The following CKMT1A variants were observed in gnomAD, a reference collection of about 807,000 sequenced individuals.
CKMT1A encodes creatine kinase, mitochondrial 1A.
CKMT1A carries 23 observed loss-of-function variants against 21.8 expected under a neutral mutation model. The ratio of observed to expected loss-of-function variants is 1.05; its 90% confidence interval spans 0.76 to 1.49. CKMT1A has a LOEUF of 1.49. Ranked by LOEUF, CKMT1A falls within the 40% of genes most tolerant of loss-of-function variation. The pLI, the probability that CKMT1A is intolerant of heterozygous loss-of-function variation, is 0.00. For synonymous variants in CKMT1A, 67 were observed against 80.4 expected (o/e 0.83, Z 0.89); for missense variants, 154 against 229.4 (o/e 0.67, Z 2.12).
intron 6 of CKMT1A, chr15:43,696,591 A>T: frequency 3.0e-6 from 2 of 674,118 alleles, no homozygotes; most frequent in South Asian, 4.2e-5. Flanking sequence ...GGAACCTTAG[A>T]AAGTGAAGAA....
rs760105474 is a variant in CKMT1A at position 43,699,113 on chromosome 15, C to G, written c.*24C>G. On this transcript the variant is annotated 3_prime_UTR_variant, in exon 9 of 9. Coordinates refer to ENST00000413453, the MANE Select transcript of CKMT1A (RefSeq NM_001321926.2). Reference sequence around the variant, plus strand: ...AACTCCCCATCGCCAGCTGATGACTCAAGATTCCAAGGAGTTCTGCTCATT... The same window carrying G: ...AACTCCCCATCGCCAGCTGATGACTGAAGATTCCAAGGAGTTCTGCTCATT... 27 of 1,613,314 alleles carry G rather than the reference C, an allele frequency of 1.7e-5. No individual in the cohort carries two copies. The highest frequency in any genetic ancestry group is 2.7e-5 in the African/African-American group (2 of 74,486).
rs773493195 is a variant in CKMT1A at position 43,698,747 on chromosome 15, A to T, written c.1118A>T (p.Asp373Val). ...GGTGTCTTTGATATTTCTAATTTGG[A>T]CCGACTAGGCAAATCAGAGGTGAGA... ...TGGVFDISNLDRLGKSEVELV... is the reference protein window; with the variant it reads ...TGGVFDISNLVRLGKSEVELV... The change falls in exon 8 of 9, where the codon GAC (aspartate) becomes GTC (valine). Residue 373 changes from aspartate (D) to valine (V), a missense_variant. By Grantham distance (152) the Asp-to-Val change is radical. Coordinates refer to ENST00000413453, the MANE Select transcript of CKMT1A (RefSeq NM_001321926.2). 1 of 1,613,688 alleles carries T rather than the reference A, an allele frequency of 6.2e-7. No homozygotes were observed. Among genetic ancestry groups the T allele is most frequent in the Non-Finnish European group, 8.5e-7 (1 of 1,179,860 alleles).
intron 4 of CKMT1A, 46 bp from the exon 5 acceptor site, chr15:43,695,993 G>A (rs1463527811): frequency 2.5e-6 from 1 of 403,738 alleles, no homozygotes; most frequent in East Asian, 3.6e-5. Context: ...AAAGGCCCAG[G>A]GGCCACCATG....
intron 6 of CKMT1A, chr15:43,697,521 C>T: frequency 1.0e-6 from 1 of 984,778 alleles, no homozygotes; most frequent in Non-Finnish European, 1.2e-6. Flanking sequence ...CTTTCCTGCT[C>T]TGTTTTCATC....
chr15:43,697,565 G>A (rs1171935729), intron 6 of CKMT1A: 1 of 984,360 alleles, frequency 1.0e-6, no homozygotes, highest in East Asian at 1.1e-4. Context: ...TCCGTTCACA[G>A]CTAATAGAAC....
At chr15:43,698,617 T>C (rs760976051) in intron 7 of CKMT1A, 24 bp from the exon 8 acceptor site, 28 of 1,607,714 alleles carry the variant, frequency 1.7e-5, no homozygotes, top group Non-Finnish European at 2.3e-5. Flanking sequence ...TTGACCCTGC[T>C]CCCAATCCCT....
chr15:43,696,477 A>G (rs1349224236), intron 6 of CKMT1A, 114 bp downstream of exon 6: 19 of 1,498,300 alleles, frequency 1.3e-5, no homozygotes, highest in Non-Finnish European at 1.6e-5. Flanking sequence ...GATGGTAAAA[A>G]GGACTACCTA....
intron 6 of CKMT1A, 126 bp from the exon 7 acceptor site, chr15:43,697,888 C>A: frequency 1.3e-6 from 2 of 1,494,020 alleles, no homozygotes; most frequent in Non-Finnish European, 1.8e-6. Flanking sequence ...AGACCAATGT[C>A]ATTCATTCAC....
In CKMT1A at chr15:43,698,003, T is replaced by G. The variant is rs1243882629; in HGVS notation, c.877-11T>G. ...CCTGATTTTTCATTAATAAAAACTT[T>G]GTGGACTCAGGTGGAGAGACTTATC... is the stretch of plus-strand genomic sequence containing the variant. On this transcript the variant is annotated splice_polypyrimidine_tract_variant and intron_variant, in intron 6 of 8. Coordinates refer to ENST00000413453, the MANE Select transcript of CKMT1A (RefSeq NM_001321926.2). 1 of 1,613,776 alleles carries G rather than the reference T, an allele frequency of 6.2e-7. No homozygotes were observed.
chr15:43,697,272 A>C (rs2086460889), intron 6 of CKMT1A: 1 of 1,236,484 alleles, frequency 8.1e-7, no homozygotes, highest in Non-Finnish European at 1.0e-6. Context: ...TTAAAGTGTT[A>C]GCTGCAATAT....
At position 43,698,997 on chromosome 15, in the gene CKMT1A, G is replaced by A. The variant is rs761854197; in HGVS notation, c.1162G>A (p.Asp388Asn). 13 of 1,613,498 alleles carry A rather than the reference G, an allele frequency of 8.1e-6. No individual in the cohort carries two copies. Among genetic ancestry groups the A allele is most frequent in the Middle Eastern group, 1.7e-4 (1 of 6,060 alleles). ...GGTGGAGCTGGTGCAACTGGTCATC[G>A]ATGGAGTAAACTATTTGATTGATTG... is the stretch of plus-strand genomic sequence containing the variant. ...SEVELVQLVI[D>N]GVNYLIDCER... Residue 388 changes from aspartate (D) to asparagine (N), a missense_variant, in exon 9 of 9, where the codon GAT becomes AAT. Physicochemically the swap from Asp to Asn is conservative, Grantham distance 23. Coordinates refer to ENST00000413453, the MANE Select transcript of CKMT1A (RefSeq NM_001321926.2).
chr15:43,698,306 G>A (rs1190435465), intron 7 of CKMT1A, among the ~76,000 whole-genome samples, 158 bp downstream of exon 7: 1 of 151,892 alleles, frequency 6.6e-6, no homozygotes, highest in Non-Finnish European at 1.5e-5. Flanking sequence ...CCCAACACTT[G>A]GGAGGCCAAG....
intron 6 of CKMT1A, chr15:43,697,175 A>G (rs2086459413): frequency 3.4e-6 from 4 of 1,166,306 alleles, no homozygotes; most frequent in African/African-American, 1.6e-5. Context: ...AAATTGGGAT[A>G]ATGAGATTTT....
chr15:43,696,109 A>T lies in CKMT1A; in HGVS notation c.737A>T (p.Asp246Val). 1 of 721,484 alleles carries T rather than the reference A, an allele frequency of 1.4e-6. No homozygotes were observed. The highest frequency in any genetic ancestry group is 2.1e-6 in the Non-Finnish European group (1 of 466,116). 44.7% of individuals were successfully genotyped at this position (721,484 alleles called of 1,614,324 possible). The change falls in exon 5 of 9, where the codon GAT (aspartate) becomes GTT (valine). Residue 246 changes from aspartate to valine, a missense_variant. Physicochemically the swap from Asp to Val is radical, Grantham distance 152. Coordinates refer to ENST00000413453, the MANE Select transcript of CKMT1A (RefSeq NM_001321926.2). Reference sequence around the variant, plus strand: ...GCAGGAATGGCTCGAGACTGGCCAGATGCTCGTGGAATTTGGTATGAAGCT... The same window carrying T: ...GCAGGAATGGCTCGAGACTGGCCAGTTGCTCGTGGAATTTGGTATGAAGCT... The part of the protein sequence containing the change: ...TAAGMARDWP[D>V]ARGIWHNNEK...
intron 6 of CKMT1A, chr15:43,697,601 C>A (rs904422331): frequency 2.0e-6 from 2 of 984,204 alleles, no homozygotes; most frequent in African/African-American, 3.5e-5. Flanking sequence ...CCTGGCAAAG[C>A]TTACACCTTC....
chr15:43,699,151 C>T lies in CKMT1A; in HGVS notation c.*62C>T. ...AGTTCTGCTCATTCTAATGATGGCCCATTCTACTTGCTCTGGACCTGCCCT... is the reference window on the plus strand; with the variant it reads ...AGTTCTGCTCATTCTAATGATGGCCTATTCTACTTGCTCTGGACCTGCCCT... On this transcript the variant is annotated 3_prime_UTR_variant, in exon 9 of 9. Coordinates refer to ENST00000413453, the MANE Select transcript of CKMT1A (RefSeq NM_001321926.2). The T allele has an allele frequency of 6.2e-7, 1 of 1,612,698 alleles. No homozygotes were observed. The highest frequency in any genetic ancestry group is 8.5e-7 in the Non-Finnish European group (1 of 1,179,400).
Position 43,698,088 on chromosome 15 carries a change from A to G in CKMT1A, c.951A>G (p.Pro317=), listed in dbSNP as rs775892882. ...NERLGYILTC[P]SNLGTGLRAG... ...GTTTGGGATACATCTTGACCTGTCC[A>G]TCTAACCTGGGCACTGGACTTCGGG... The change falls in exon 7 of 9, where the codon CCA becomes CCG. Residue 317 remains proline (P), a synonymous_variant. Coordinates refer to ENST00000413453, the MANE Select transcript of CKMT1A (RefSeq NM_001321926.2). 2.4e-5 allele frequency: 38 copies of G among 1,613,178 alleles called. No individual in the cohort carries two copies. Among genetic ancestry groups the G allele is most frequent in the Non-Finnish European group, 2.9e-5 (34 of 1,179,456 alleles).
At position 43,698,025 on chromosome 15, in the gene CKMT1A, T is replaced by C. The variant is rs1335533713; in HGVS notation, c.888T>C (p.Leu296=). Residue 296 remains leucine (L), a synonymous_variant, in exon 7 of 9, where the codon CTT becomes CTC. Coordinates refer to ENST00000413453, the MANE Select transcript of CKMT1A (RefSeq NM_001321926.2). The stretch of plus-strand genomic sequence containing the variant: ...CTTTGTGGACTCAGGTGGAGAGACT[T>C]ATCCAAGAACGTGGCTGGGAGTTCA... ...FCRGLKEVER[L]IQERGWEFMW... is the part of the protein sequence containing the mutation. The C allele has an allele frequency of 6.2e-7, 1 of 1,613,466 alleles. No individual in the cohort carries two copies. Among genetic ancestry groups the C allele is most frequent in the Non-Finnish European group, 8.5e-7 (1 of 1,179,804 alleles).
intron 6 of CKMT1A, 26 bp from the exon 7 acceptor site, chr15:43,697,988 C>A (rs757338177): frequency 3.7e-6 from 6 of 1,613,338 alleles, no homozygotes. Flanking sequence ...CCTGATTTTT[C>A]ATTAATAAAA....
Sources: allele counts gnomAD v4.1 joint callset (sites outside exome capture counted in the v4.1 genomes callset), GRCh38; gene constraint gnomAD v4.1.1; transcripts MANE v1.5; gene names NCBI Gene and HGNC (gene_info 2026-07-23, HGNC 2026-07-21).